CHD6: variants seen among roughly 807,000 people sequenced by gnomAD.
CHD6 encodes the protein ATP-dependent chromatin remodeler CHD6.
CHD6 carries 50 observed loss-of-function variants against 276.9 expected under a neutral mutation model. The ratio of observed to expected loss-of-function variants is 0.18; its 90% CI spans 0.14 to 0.23. The LOEUF (loss-of-function observed/expected upper bound fraction) is 0.23, where lower values mean the gene tolerates loss of function less well. Ranked by LOEUF, CHD6 falls within the 10% of genes least tolerant of loss-of-function variation. The pLI, the probability that CHD6 is intolerant of heterozygous loss-of-function variation, is 1.00. For synonymous variants in CHD6, 1,173 were observed against 1,229.3 expected (o/e 0.95, Z 0.96); for missense variants, 2,564 against 3,365.8 (o/e 0.76, Z 5.89).
In CHD6 at chr20:41,487,029, G is replaced by A. The variant is rs141844400; in HGVS notation, c.2001+636C>T. ...CTACTATTTGTTCCTCTTATGGCAC[G>A]TACATTTGTCTGGGTTATTTCTATA... On this transcript the variant is annotated intron_variant, in intron 14 of 36. Transcript: ENST00000373233. Among the ~76,000 whole-genome samples, 209 of 152,266 alleles carry A rather than the reference G, an allele frequency of 1.4e-3. 1 individual carries two copies. The highest frequency in any genetic ancestry group is 4.7e-3 in the African/African-American group (194 of 41,552).
intron 31 of CHD6, 109 bp from the exon 32 acceptor site, chr20:41,417,458 T>G: frequency 2.3e-6 from 2 of 883,574 alleles, no homozygotes; most frequent in Non-Finnish European, 3.4e-6. Context: ...AATTAGCTCA[T>G]TCTGTGCTAT....
chr20:41,411,916 C>T (rs1330824870), intron 36 of CHD6, among the ~76,000 whole-genome samples: 1 of 152,200 alleles, frequency 6.6e-6, no homozygotes, highest in African/African-American at 2.4e-5. Context: ...ACAAACAATT[C>T]TGGAGGTAAG....
chr20:41,528,981 C>T lies in CHD6; in HGVS notation c.554+4069G>A, dbSNP rs571177253. ...GGGACCATTTCCTACAAATAAAAAC[C>T]AACTTCTCTGACACTGAAATCTCCC... On this transcript the variant is annotated intron_variant, in intron 3 of 36. Coordinates refer to ENST00000373233, the MANE Select transcript of CHD6 (RefSeq NM_032221.5). Among the ~76,000 whole-genome samples the T allele has an allele frequency of 6.6e-4, 101 of 152,200 alleles. 1 individual carries two copies. The highest frequency in any genetic ancestry group is 2.3e-3 in the African/African-American group (97 of 41,540).
At position 41,412,147 on chromosome 20, in the gene CHD6, C is replaced by T. The variant is rs2046859384; in HGVS notation, c.7248G>A (p.Leu2416=). The change falls in exon 36 of 37, where the codon CTG becomes CTA. Residue 2416 remains leucine (L), a synonymous_variant. Coordinates refer to ENST00000373233, the MANE Select transcript of CHD6 (RefSeq NM_032221.5). The part of the protein sequence containing the change: ...RVPAIPKEPG[L]RGFLPENKFN... ...CTCACGTGGCCTTCTTCCTTACCCTCAGTCCTGGCTCCTTGGGGATGGCAG... is the reference window on the plus strand; with the variant it reads ...CTCACGTGGCCTTCTTCCTTACCCTTAGTCCTGGCTCCTTGGGGATGGCAG... The T allele has an allele frequency of 6.2e-7, 1 of 1,614,172 alleles. No individual in the cohort carries two copies. The highest frequency in any genetic ancestry group is 1.1e-5 in the South Asian group (1 of 91,072).
intron 16 of CHD6, among the ~76,000 whole-genome samples, chr20:41,480,841 T>A (rs2043278913): frequency 6.6e-6 from 1 of 152,154 alleles, no homozygotes; most frequent in Admixed American, 6.6e-5. Flanking sequence ...CTTTAAATTA[T>A]GTGCACATAC....
At chr20:41,553,873 G>C (rs2045182670) in intron 1 of CHD6, among the ~76,000 whole-genome samples, 1 of 152,324 alleles carries the variant, frequency 6.6e-6, no homozygotes, top group African/African-American at 2.4e-5. Context: ...AGAAAGGTCA[G>C]GTACAATGGC....
chr20:41,554,991 C>T (rs1462785053), intron 1 of CHD6, among the ~76,000 whole-genome samples: 8 of 150,272 alleles, frequency 5.3e-5, no homozygotes, highest in African/African-American at 1.2e-4. Context: ...CCGGACGGGG[C>T]GGCTGGCCGG....
chr20:41,424,557 G>A (rs1043284058), intron 29 of CHD6, among the ~76,000 whole-genome samples: 6 of 152,222 alleles, frequency 3.9e-5, no homozygotes, highest in Admixed American at 3.3e-4. Flanking sequence ...GTACAGAGAA[G>A]TAATTAAATT....
rs2047746298 is a variant in CHD6, at chr20:41,437,428, A to C, written c.4008-94T>G. On this transcript the variant is annotated intron_variant, in intron 26 of 36. Transcript: ENST00000373233. Reference sequence around the variant, plus strand: ...GGTCAACCACAGTCCAAAAATACTAAGATATTTTGGGGGAGAGACAGGGCG... The same window carrying C: ...GGTCAACCACAGTCCAAAAATACTACGATATTTTGGGGGAGAGACAGGGCG... 3.9e-6 allele frequency: 3 copies of C among 772,804 alleles called. No individual in the cohort carries two copies. In the South Asian group the frequency reaches 5.3e-5, roughly 14 times the overall value. The allele number at this position is 772,804 out of a possible 1,614,324, so 47.9% of individuals were successfully genotyped here.
At chr20:41,520,517 G>C (rs2044365447) in intron 3 of CHD6, among the ~76,000 whole-genome samples, 2 of 152,134 alleles carry the variant, frequency 1.3e-5, no homozygotes, top group South Asian at 4.2e-4. Flanking sequence ...CATGTTCTTT[G>C]TAGGGACATG....
rs1368806407 is a variant in CHD6 at position 41,421,797 on chromosome 20, C to T, written c.4838G>A (p.Arg1613Lys). 5 of 1,614,202 alleles carry T rather than the reference C, an allele frequency of 3.1e-6. No individual in the cohort carries two copies. The highest frequency in any genetic ancestry group is 2.5e-6 in the Non-Finnish European group (3 of 1,180,032). ...AGATCTTTTATGCTGGGCATAGTTT[C>T]TATAGGCATCCAGGAAGGACAGCTG... is the stretch of plus-strand genomic sequence containing the variant. ...DPQLSFLDAY[R>K]NYAQHKRSGT... Residue 1613 changes from arginine (R) to lysine (K), a missense_variant, in exon 31 of 37, where the codon AGA becomes AAA. Coordinates refer to ENST00000373233, the MANE Select transcript of CHD6 (RefSeq NM_032221.5).
At chr20:41,465,352 A>G (rs1480001672) in intron 17 of CHD6, among the ~76,000 whole-genome samples, 1 of 152,210 alleles carries the variant, frequency 6.6e-6, no homozygotes, top group Non-Finnish European at 1.5e-5. Context: ...ACTGAGGAGG[A>G]CATAATATGA....
chr20:41,487,856 T>C (rs1392156369), intron 13 of CHD6, 48 bp from the exon 14 acceptor site: 1 of 1,571,970 alleles, frequency 6.4e-7, no homozygotes, highest in African/African-American at 1.4e-5. Flanking sequence ...GCCATCAAAA[T>C]AGTGCATTTT....
chr20:41,489,717 G>C, intron 12 of CHD6, 61 bp downstream of exon 12: 4 of 1,601,512 alleles, frequency 2.5e-6, no homozygotes, highest in Non-Finnish European at 3.4e-6. Flanking sequence ...GAAGATAAGT[G>C]ACAGAAAGGC....
In CHD6 at chr20:41,533,547, A is replaced by C; in HGVS notation, c.57T>G (p.Asn19Lys). 3 of 1,606,450 alleles carry C rather than the reference A, an allele frequency of 1.9e-6. No individual in the cohort carries two copies. The change falls in exon 3 of 37, where the codon AAT becomes AAG. Residue 19 changes from asparagine (N) to lysine (K), a missense_variant. Transcript: ENST00000373233. ...EKQLSNLKVLNHSPMSDASVN... is the reference protein window; with the variant it reads ...EKQLSNLKVLKHSPMSDASVN... The stretch of plus-strand genomic sequence containing the variant: ...CAGAGGCATCAGACATTGGGGAGTG[A>C]TTCAAAACTTTTAAATTTGACAACT...
intron 27 of CHD6, 157 bp downstream of exon 27, chr20:41,437,117 C>T (rs2047734028): frequency 1.8e-6 from 1 of 570,244 alleles, no homozygotes; most frequent in Non-Finnish European, 3.1e-6. Flanking sequence ...AATGCAATTG[C>T]AGTCTGTGTA....
chr20:41,414,888 C>A, intron 34 of CHD6: 1 of 1,256,752 alleles, frequency 8.0e-7, no homozygotes, highest in Non-Finnish European at 1.0e-6. Context: ...CCATCTTGCT[C>A]TGCCGTGCCG....
intron 5 of CHD6, among the ~76,000 whole-genome samples, chr20:41,500,832 A>G (rs1417902246): frequency 6.6e-6 from 1 of 152,194 alleles, no homozygotes; most frequent in Non-Finnish European, 1.5e-5. Context: ...AGGAAAAGAA[A>G]GAAGGAAATA....
Position 41,440,129 on chromosome 20 carries a change from C to T in CHD6, c.3878G>A (p.Gly1293Asp). 6.2e-7 allele frequency: 1 copy of T among 1,613,872 alleles called. No individual in the cohort carries two copies. ...TCGCATGGCATTGTACCTTTCATAA[C>T]CTGATCAAGAGTGGTGAGAAATGCC... is the stretch of plus-strand genomic sequence containing the variant. ...KSLLIGVFKH[G>D]YERYNAMRAD... The change falls in exon 26 of 37, where the codon GGT (glycine) becomes GAT (aspartate). Residue 1293 changes from glycine to aspartate, a missense_variant and splice_region_variant. Gly to Asp is a moderately conservative substitution (Grantham distance 94, BLOSUM62 -1). Transcript: ENST00000373233.
Sources: gnomAD v4.1 joint callset for allele counts (sites outside exome capture counted in the v4.1 genomes callset) on GRCh38, gnomAD v4.1.1 for gene constraint, MANE v1.5 for transcripts, NCBI Gene and HGNC (gene_info 2026-07-23, HGNC 2026-07-21) for gene names.